Variants in GALNT13 observed in about 807,000 individuals in gnomAD.
GALNT13 encodes polypeptide N-acetylgalactosaminyltransferase 13, also known as UDP-GalNAc:polypeptide N-acetylgalactosaminyltransferase 13.
GALNT13 carries 28 observed loss-of-function variants against 64.2 expected under a neutral mutation model. The ratio of observed to expected loss-of-function variants is 0.44; its 90% CI spans 0.32 to 0.60. GALNT13 has a LOEUF of 0.60. Among genes scored for constraint, GALNT13 ranks in the 20% least tolerant of loss-of-function variants. The probability of loss-of-function intolerance (pLI) is 0.05; values close to 1 mark genes in which losing one functional copy is unlikely to be tolerated. For missense variants in GALNT13, 577 were observed against 669.8 expected (o/e 0.86, Z 1.53); for synonymous variants, 214 against 224.6 (o/e 0.95, Z 0.42).
intron 9 of GALNT13, among the ~76,000 whole-genome samples, chr2:154,327,629 T>C (rs1262254971): frequency 6.6e-6 from 1 of 152,154 alleles, no homozygotes; most frequent in African/African-American, 2.4e-5. Flanking sequence ...GTCCTGCTTA[T>C]CTGGTTTCCA....
chr2:153,645,194 C>A, the GALNT13 span, among the ~76,000 whole-genome samples: 1 of 152,176 alleles, frequency 6.6e-6, no homozygotes, highest in Non-Finnish European at 1.5e-5. Context: ...TGGCATAATG[C>A]GCTCTGCTGA....
chr2:154,139,289 T>C lies in GALNT13; in HGVS notation c.143-1048T>C, dbSNP rs184258958. ...ACCATATTCATACATTATTTTAGAA[T>C]TTATGTTTTTAATGAAATGTTCTAA... On this transcript the variant is annotated intron_variant, in intron 3 of 12. Coordinates refer to ENST00000392825, the MANE Select transcript of GALNT13 (RefSeq NM_052917.4). Among the ~76,000 whole-genome samples the C allele has an allele frequency of 1.4e-3, 215 of 152,226 alleles. 1 individual carries two copies. The highest frequency in any genetic ancestry group is 4.7e-3 in the African/African-American group (197 of 41,570).
At chr2:153,690,238 T>C in the GALNT13 span, among the ~76,000 whole-genome samples, 1 of 152,198 alleles carries the variant, frequency 6.6e-6, no homozygotes, top group African/African-American at 2.4e-5. Context: ...TGTCTACTTA[T>C]ACTCTTGTTA....
At chr2:153,813,519 C>T in the GALNT13 span, among the ~76,000 whole-genome samples, 1 of 126,604 alleles carries the variant, frequency 7.9e-6, no homozygotes, top group Non-Finnish European at 1.8e-5. Context: ...GGAAGACATA[C>T]CTTATCTCAT....
the GALNT13 span, among the ~76,000 whole-genome samples, chr2:153,666,662 C>G: frequency 4.6e-4 from 70 of 152,254 alleles, no homozygotes; most frequent in African/African-American, 1.7e-3. Context: ...TCAAAAAGCC[C>G]TATCCAAAGG....
At chr2:153,191,580 T>C in the GALNT13 span, among the ~76,000 whole-genome samples, 1 of 152,144 alleles carries the variant, frequency 6.6e-6, no homozygotes, top group Admixed American at 6.6e-5. Context: ...GCTGGTTTCA[T>C]AGAATGAGTT....
chr2:154,416,630 G>A (rs1453182790), intron 11 of GALNT13, among the ~76,000 whole-genome samples: 4 of 152,102 alleles, frequency 2.6e-5, no homozygotes, highest in Admixed American at 1.3e-4. Flanking sequence ...GAAAAGAAAC[G>A]TTTCACTTTG....
rs942471416 is a variant in GALNT13 at position 154,080,061 on chromosome 2, G to A, written c.143-60276G>A. Among the ~76,000 whole-genome samples, 9 of 151,596 alleles carry A rather than the reference G, an allele frequency of 5.9e-5. No homozygotes were observed. The East Asian group carries it at 1.6e-3, about 26-fold the overall frequency. Reference sequence around the variant, plus strand: ...AGGGCTTTTTTGTTGAATTTTAAAGGAAGTTTAGATTTTTAAAAACCCAAC... The same window carrying A: ...AGGGCTTTTTTGTTGAATTTTAAAGAAAGTTTAGATTTTTAAAAACCCAAC... On this transcript the variant is annotated intron_variant, in intron 3 of 12. Coordinates refer to ENST00000392825, the MANE Select transcript of GALNT13 (RefSeq NM_052917.4).
chr2:153,594,752 G>T, the GALNT13 span, among the ~76,000 whole-genome samples: 39,823 of 151,948 alleles, frequency 0.26, 5,578 homozygotes, highest in South Asian at 0.42. Context: ...AGTACAAATT[G>T]TAAACACAAT....
the GALNT13 span, among the ~76,000 whole-genome samples, chr2:153,363,170 G>T: frequency 2.6e-5 from 4 of 151,988 alleles, no homozygotes; most frequent in Non-Finnish European, 5.9e-5. Context: ...AAATCAAGAA[G>T]TTCTTTGAAA....
At chr2:153,451,011 T>C in the GALNT13 span, among the ~76,000 whole-genome samples, 2 of 152,138 alleles carry the variant, frequency 1.3e-5, no homozygotes, top group Non-Finnish European at 2.9e-5. Flanking sequence ...CTGTACACAA[T>C]TCATTGTCAT....
At chr2:153,371,767 T>C in the GALNT13 span, among the ~76,000 whole-genome samples, 1 of 152,224 alleles carries the variant, frequency 6.6e-6, no homozygotes, top group Non-Finnish European at 1.5e-5. Context: ...ATCAAAATTC[T>C]AGCTGGGTTT....
chr2:154,270,059 T>A (rs987032470), intron 8 of GALNT13, among the ~76,000 whole-genome samples: 1 of 150,904 alleles, frequency 6.6e-6, no homozygotes, highest in African/African-American at 2.4e-5. Context: ...TGGCTTTGTA[T>A]GCTCCTTTAG....
chr2:153,643,053 A>T, the GALNT13 span, among the ~76,000 whole-genome samples: 2 of 151,534 alleles, frequency 1.3e-5, no homozygotes. Context: ...GTAGCTTTAG[A>T]AAAATGTACA....
the GALNT13 span, among the ~76,000 whole-genome samples, chr2:153,632,591 C>G: frequency 6.6e-6 from 1 of 152,056 alleles, no homozygotes; most frequent in South Asian, 2.1e-4. Flanking sequence ...TTTACTATCT[C>G]AATAGTTTTA....
At chr2:153,486,828 G>C in the GALNT13 span, among the ~76,000 whole-genome samples, 1 of 152,120 alleles carries the variant, frequency 6.6e-6, no homozygotes, top group Non-Finnish European at 1.5e-5. Context: ...ACTCTTTAAA[G>C]TCTGCATGAT....
Position 154,084,872 on chromosome 2 carries a change from C to T in GALNT13, c.143-55465C>T, listed in dbSNP as rs888785517. On this transcript the variant is annotated intron_variant, in intron 3 of 12. Coordinates refer to ENST00000392825, the MANE Select transcript of GALNT13 (RefSeq NM_052917.4). Reference sequence around the variant, plus strand: ...ATGATTAACAAGTTTGAACATTTGCCTTAAATTTGTTAAGAAGGAAATTTC... The same window carrying T: ...ATGATTAACAAGTTTGAACATTTGCTTTAAATTTGTTAAGAAGGAAATTTC... 2.0e-5 allele frequency among the ~76,000 whole-genome samples: 3 copies of T among 151,798 alleles called. No homozygotes were observed. In the Admixed American group the frequency reaches 2.0e-4, roughly 10 times the overall value.
the GALNT13 span, among the ~76,000 whole-genome samples, chr2:153,702,984 A>T: frequency 6.6e-6 from 1 of 152,174 alleles, no homozygotes; most frequent in African/African-American, 2.4e-5. Context: ...ACTGGGAAAC[A>T]GATGCCATTG....
At chr2:153,920,670 GAA>G (rs1689693445) in intron 2 of GALNT13, among the ~76,000 whole-genome samples, 1 of 151,976 alleles carries the variant, frequency 6.6e-6, no homozygotes, top group Non-Finnish European at 1.5e-5. Flanking sequence ...CAAACCAAAG[GAA>G]ACTATCAACA....
Sources: gnomAD v4.1 joint callset for allele counts (sites outside exome capture counted in the v4.1 genomes callset) on GRCh38, gnomAD v4.1.1 for gene constraint, MANE v1.5 for transcripts, NCBI Gene and HGNC (gene_info 2026-07-23, HGNC 2026-07-21) for gene names.